The following STXBP2 variants were observed in gnomAD, a reference collection of about 807,000 sequenced individuals.
STXBP2 encodes the protein syntaxin-binding protein 2.
Under a neutral mutation model 72.2 loss-of-function variants are expected in STXBP2, and 47 were observed. The ratio of observed to expected loss-of-function variants is 0.65; its 90% CI spans 0.51 to 0.83. The LOEUF is 0.83. Among genes scored for constraint, STXBP2 ranks in the 40% least tolerant of loss-of-function variants. The pLI is 0.00. For synonymous variants in STXBP2, 367 were observed against 338.7 expected (o/e 1.08, Z -0.92); for missense variants, 702 against 807.6 (o/e 0.87, Z 1.58).
intron 16 of STXBP2, 110 bp downstream of exon 16, chr19:7,646,454 C>A: frequency 9.7e-7 from 1 of 1,034,748 alleles, no homozygotes; most frequent in Non-Finnish European, 1.5e-6. Context: ...ATGCTCATTG[C>A]TGGCATTCCC....
At chr19:7,639,892 ATGTG>A in intron 4 of STXBP2, 85 bp downstream of exon 4, 13 of 1,396,768 alleles carry the variant, frequency 9.3e-6, no homozygotes, top group Non-Finnish European at 1.3e-5. Context: ...ATGTGATTGC[ATGTG>A]TGCATGTGTA....
the STXBP2 span, chr19:7,630,263 C>T: frequency 2.2e-6 from 1 of 464,174 alleles, no homozygotes; most frequent in South Asian, 2.9e-5. Context: ...CTCCCGGGAT[C>T]TTAAGTGGGG....
At chr19:7,645,405 G>A (rs1483366545) in intron 15 of STXBP2, 99 bp downstream of exon 15, 10 of 1,212,228 alleles carry the variant, frequency 8.2e-6, no homozygotes, top group Non-Finnish European at 1.2e-5. Context: ...GCACGGTGTG[G>A]TTCCTGGCGT....
rs113332946 is a variant in STXBP2 at position 7,647,157 on chromosome 19, G to T, written c.1453-5G>T. On this transcript the variant is annotated splice_polypyrimidine_tract_variant and splice_region_variant and intron_variant, in intron 16 of 18. Transcript: ENST00000221283. Reference sequence around the variant, plus strand: ...TCCTCCCCTAACCTGCCTCTCGGCCGCCAGGACGCCGTGGAGGACCGGCTG... The same window carrying T: ...TCCTCCCCTAACCTGCCTCTCGGCCTCCAGGACGCCGTGGAGGACCGGCTG... 1.2e-6 allele frequency: 2 copies of T among 1,611,338 alleles called. No homozygotes were observed. The highest frequency in any genetic ancestry group is 1.7e-5 in the Admixed American group (1 of 60,000).
intron 4 of STXBP2, chr19:7,640,030 G>T (rs372972495): frequency 3.0e-6 from 2 of 666,796 alleles, no homozygotes; most frequent in Admixed American, 4.2e-5. Context: ...ATGTGCATGT[G>T]TGTGCGTCTG....
the STXBP2 span, chr19:7,630,285 G>C: frequency 3.1e-5 from 16 of 514,920 alleles, no homozygotes; most frequent in Non-Finnish European, 5.6e-5. Flanking sequence ...TGGGTAATGA[G>C]GTCTCGAGGA....
the STXBP2 span, chr19:7,631,358 C>A: frequency 7.4e-7 from 1 of 1,359,344 alleles, no homozygotes; most frequent in South Asian, 1.6e-5. Context: ...GACACTGAAC[C>A]CTGAAGCCGT....
chr19:7,633,082 G>C (rs2031399114), upstream of STXBP2: 1 of 1,239,080 alleles, frequency 8.1e-7, no homozygotes, highest in Admixed American at 2.9e-5. Flanking sequence ...CAAGGGACAG[G>C]CTCCGATGCG....
chr19:7,633,602 T>A, upstream of STXBP2: 1 of 727,130 alleles, frequency 1.4e-6, no homozygotes, highest in East Asian at 2.8e-5. Context: ...CACCCAAGCT[T>A]AAGCCCCATA....
chr19:7,640,160 A>T (rs1403972836), intron 4 of STXBP2: 2 of 460,324 alleles, frequency 4.3e-6, no homozygotes, highest in Non-Finnish European at 8.2e-6. Context: ...GTGCATCTGT[A>T]TGTGTGTGTG....
chr19:7,641,362 C>T (rs2031867625), intron 6 of STXBP2, among the ~76,000 whole-genome samples: 1 of 152,100 alleles, frequency 6.6e-6, no homozygotes, highest in Non-Finnish European at 1.5e-5. Context: ...AGAGCGAGAT[C>T]CTGTCTCAAA....
the STXBP2 span, chr19:7,629,845 G>C: frequency 6.5e-7 from 1 of 1,535,962 alleles, no homozygotes; most frequent in Non-Finnish European, 8.7e-7. Flanking sequence ...TGGGGGTGAA[G>C]CTGGAGATAT....
chr19:7,638,937 T>TC, intron 2 of STXBP2, 82 bp from the exon 3 acceptor site: 2 of 1,583,092 alleles, frequency 1.3e-6, no homozygotes, highest in Non-Finnish European at 1.7e-6. Context: ...AAACTGCCCC[T>TC]CCCACTGCCT....
rs2032196261 is a variant in STXBP2, at chr19:7,647,762, T to TGACCTGAAGGCACTGGAC, written c.1735_1752dup (p.Asp579_Asp584dup). 5.6e-6 allele frequency: 9 copies of TGACCTGAAGGCACTGGAC among 1,614,066 alleles called. No homozygotes were observed. Among genetic ancestry groups the TGACCTGAAGGCACTGGAC allele is most frequent in the Non-Finnish European group, 5.9e-6 (7 of 1,179,992 alleles). ...TCCTCACCCCGACCCGCTTCCTGGATGACCTGAAGGCACTGGACAAGAAGC... is the reference window on the plus strand; with the variant it reads ...TCCTCACCCCGACCCGCTTCCTGGATGACCTGAAGGCACTGGACGACCTGAAGGCACTGGACAAGAAGC... On this transcript the variant is annotated inframe_insertion, in exon 19 of 19. Coordinates refer to ENST00000221283, the MANE Select transcript of STXBP2 (RefSeq NM_006949.4).
the STXBP2 span, chr19:7,631,473 C>T: frequency 6.5e-7 from 1 of 1,535,792 alleles, no homozygotes; most frequent in Non-Finnish European, 8.7e-7. Flanking sequence ...CCACCCCTAG[C>T]TTCAAGAGAT....
intron 13 of STXBP2, among the ~76,000 whole-genome samples, chr19:7,644,046 G>A (rs75446015): frequency 0.14 from 10,591 of 75,722 alleles, 15 homozygotes; most frequent in East Asian, 0.3. Context: ...GAGGGGTGGA[G>A]CCTTGGAGAG....
At chr19:7,631,644 T>C in the STXBP2 span, 432 of 1,455,556 alleles carry the variant, frequency 3.0e-4, 2 homozygotes, top group African/African-American at 5.5e-3. Flanking sequence ...TTTATTCTTT[T>C]ATCAGTTTTT....
chr19:7,644,380 G>T (rs1403006300), intron 13 of STXBP2: 7 of 595,162 alleles, frequency 1.2e-5, no homozygotes, highest in Non-Finnish European at 2.1e-5. Context: ...CAGGATAGTG[G>T]TGTGACCTGT....
chr19:7,640,795 T>A lies in STXBP2; in HGVS notation c.311T>A (p.Ile104Asn). 1 of 1,614,120 alleles carries A rather than the reference T, an allele frequency of 6.2e-7. No individual in the cohort carries two copies. The highest frequency in any genetic ancestry group is 8.5e-7 in the Non-Finnish European group (1 of 1,180,008). Residue 104 changes from isoleucine to asparagine, a missense_variant, in exon 5 of 19, where the codon ATC becomes AAC. Transcript: ENST00000221283. ...ACTTTCACCTACAAAGCGGCCCATA[T>A]CTTCTTCACCGACAGTGAGTGAGGA... is the stretch of plus-strand genomic sequence containing the variant. ...TPTFTYKAAHIFFTDTCPEPL... is the reference protein window; with the variant it reads ...TPTFTYKAAHNFFTDTCPEPL...
Sources: allele counts gnomAD v4.1 joint callset (sites outside exome capture counted in the v4.1 genomes callset), GRCh38; gene constraint gnomAD v4.1.1; transcripts MANE v1.5; gene names NCBI Gene and HGNC (gene_info 2026-07-23, HGNC 2026-07-21).